Variants in TKT observed in about 807,000 individuals in gnomAD.
TKT encodes the protein epididymis luminal protein 107.
TKT carries 47 observed loss-of-function variants against 63.9 expected under a neutral mutation model. The observed-to-expected ratio is 0.74, with a 90% confidence interval of 0.58 to 0.94. The LOEUF (loss-of-function observed/expected upper bound fraction) is 0.94. TKT is among the 40% of genes least tolerant of loss of function. TKT has a pLI of 0.00. For missense variants in TKT, 721 were observed against 846.2 expected, an observed-to-expected ratio of 0.85 and a Z score of 1.84; for synonymous variants, 338 against 334.1, an observed-to-expected ratio of 1.01 and a Z score of -0.13.
chr3:53,248,270 G>A lies in TKT; in HGVS notation c.108-6028C>T, dbSNP rs60407612. 8.7e-3 allele frequency among the ~76,000 whole-genome samples: 1,331 copies of A among 152,288 alleles called. 19 individuals are homozygous for A. Among genetic ancestry groups the A allele is most frequent in the African/African-American group, 0.031 (1,269 of 41,556 alleles). ...TGCCAGCAGCAGAGCTAGGATAAGA[G>A]CAAAATGCTAAGAAAAACTGGTGAA... On this transcript the variant is annotated intron_variant, in intron 1 of 13. Transcript: ENST00000462138.
At chr3:53,251,392 G>A (rs1705740847) in intron 1 of TKT, among the ~76,000 whole-genome samples, 1 of 152,176 alleles carries the variant, frequency 6.6e-6, no homozygotes, top group African/African-American at 2.4e-5. Flanking sequence ...TTAAAGCCAG[G>A]ATGAGCTGGA....
chr3:53,255,216 G>A (rs1353204807), intron 1 of TKT, among the ~76,000 whole-genome samples: 1 of 152,220 alleles, frequency 6.6e-6, no homozygotes, highest in Admixed American at 6.5e-5. Context: ...CCAACCCAGG[G>A]GTGGCAGGAG....
At chr3:53,236,909 G>C (rs991535283) in intron 4 of TKT, among the ~76,000 whole-genome samples, 7 of 152,234 alleles carry the variant, frequency 4.6e-5, no homozygotes, top group African/African-American at 1.4e-4. Flanking sequence ...TGAGCTGTTA[G>C]AGTTAGGGGT....
Position 53,255,884 on chromosome 3 carries a change from T to G in TKT, c.59A>C (p.Asn20Thr). The G allele has an allele frequency of 6.5e-7, 1 of 1,548,898 alleles. No individual in the cohort carries two copies. Among genetic ancestry groups the G allele is most frequent in the South Asian group, 1.2e-5 (1 of 85,250 alleles). Residue 20 changes from asparagine (N) to threonine (T), a missense_variant, in exon 1 of 14, where the codon AAC (asparagine) becomes ACC (threonine). By Grantham distance (65) the Asn-to-Thr change is moderately conservative. Transcript: ENST00000462138. ...QKLQALKDTANRLRISSIQAT... is the reference protein window; with the variant it reads ...QKLQALKDTATRLRISSIQAT... The stretch of plus-strand genomic sequence containing the variant: ...CTGGATGGAGCTGATACGTAGGCGG[T>G]TGGCCGTGTCCTTCAAGGCCTGCAG...
intron 5 of TKT, 110 bp from the exon 6 acceptor site, chr3:53,233,384 C>T: frequency 2.7e-6 from 2 of 731,342 alleles, no homozygotes; most frequent in South Asian, 4.4e-5. Flanking sequence ...GGCTCCACCC[C>T]ACAACTGCGG....
intron 12 of TKT, 119 bp from the exon 13 acceptor site, chr3:53,226,997 C>G (rs997994994): frequency 5.4e-6 from 7 of 1,301,092 alleles, no homozygotes; most frequent in Non-Finnish European, 7.3e-6. Context: ...GCCTGCGGGC[C>G]TGTCCCTGTC....
chr3:53,237,517 C>T (rs1255018086), intron 4 of TKT, among the ~76,000 whole-genome samples: 1 of 144,958 alleles, frequency 6.9e-6, no homozygotes, highest in Non-Finnish European at 1.6e-5. Flanking sequence ...CACACACACA[C>T]ACACACACAC....
chr3:53,242,454 G>A (rs1553680120), intron 1 of TKT, among the ~76,000 whole-genome samples: 1 of 152,182 alleles, frequency 6.6e-6, no homozygotes, highest in African/African-American at 2.4e-5. Flanking sequence ...CAGCTAGTGG[G>A]TGCTGGGGAC....
At chr3:53,251,487 C>G (rs528489265) in intron 1 of TKT, among the ~76,000 whole-genome samples, 137 of 152,324 alleles carry the variant, frequency 9.0e-4, no homozygotes, top group Non-Finnish European at 1.8e-3. Flanking sequence ...AACAAAGAGC[C>G]TTCTGTGAGG....
chr3:53,255,569 C>A (rs1303266011), intron 1 of TKT, among the ~76,000 whole-genome samples: 1 of 152,168 alleles, frequency 6.6e-6, no homozygotes, highest in Non-Finnish European at 1.5e-5. Context: ...GGCCGGCGAT[C>A]CGCGTGGGGA....
Position 53,255,844 on chromosome 3 carries a change from C to A in TKT, c.99G>T (p.Ala33=). The change falls in exon 1 of 14, where the codon GCG becomes GCT. Residue 33 remains alanine, a synonymous_variant. Coordinates refer to ENST00000462138, the MANE Select transcript of TKT (RefSeq NM_001064.4). ...RISSIQATTA[A]GSGHPTSCCS... ...CGGCGCCGCGCACTCACCCAGAGCC[C>A]GCCGCAGTGGTGGCCTGGATGGAGC... is the stretch of plus-strand genomic sequence containing the variant. The A allele has an allele frequency of 6.5e-7, 1 of 1,531,076 alleles. No homozygotes were observed. Among genetic ancestry groups the A allele is most frequent in the African/African-American group, 1.4e-5 (1 of 69,806 alleles). The allele number at this position is 1,531,076 out of a possible 1,614,324, so 94.8% of individuals were successfully genotyped here. A position where few individuals can be genotyped will look rare whatever the true frequency, so the allele number is the denominator to read the frequency against.
At chr3:53,228,729 C>A (rs980319489) in intron 10 of TKT, 3 of 538,882 alleles carry the variant, frequency 5.6e-6, no homozygotes, top group Non-Finnish European at 9.9e-6. Flanking sequence ...GAGAACCCAA[C>A]TCAGGAGGGT....
In TKT at chr3:53,240,291, A is replaced by T. The variant is rs1559653879; in HGVS notation, c.397T>A (p.Cys133Ser). The T allele has an allele frequency of 1.2e-6, 2 of 1,613,450 alleles. No individual in the cohort carries two copies. The highest frequency in any genetic ancestry group is 8.5e-7 in the Non-Finnish European group (1 of 1,179,646). Reference sequence around the variant, plus strand: ...TATTTGCCGGTGTAGGCCATCCCACAAGCGGCCCCGAGGCCCTGGCCCAGG... The same window carrying T: ...TATTTGCCGGTGTAGGCCATCCCACTAGCGGCCCCGAGGCCCTGGCCCAGG... ...GSLGQGLGAA[C>S]GMAYTGKYFD... Residue 133 changes from cysteine to serine, a missense_variant, in exon 4 of 14, where the codon TGT becomes AGT. Physicochemically the swap from Cys to Ser is moderately radical, Grantham distance 112 (BLOSUM62 -1). Coordinates refer to ENST00000462138, the MANE Select transcript of TKT (RefSeq NM_001064.4).
intron 4 of TKT, among the ~76,000 whole-genome samples, chr3:53,239,476 GT>G (rs1705177719): frequency 6.6e-6 from 1 of 151,992 alleles, no homozygotes; most frequent in South Asian, 2.1e-4. Flanking sequence ...GCCTGGCTAA[GT>G]TTTGTATTTT....
chr3:53,229,234 CAAAAGTCAAGGGAGCTCCAGGTGT>C, intron 9 of TKT, 22 bp downstream of exon 9: 1 of 1,612,964 alleles, frequency 6.2e-7, no homozygotes, highest in Non-Finnish European at 8.5e-7. Flanking sequence ...CCTCCTGGTG[CAAAAGTCAAGGGAGCTCCAGGTGT>C]AAACACCCTG....
At chr3:53,228,828 G>T in intron 10 of TKT, 179 bp downstream of exon 10, 1 of 838,536 alleles carries the variant, frequency 1.2e-6, no homozygotes, top group Non-Finnish European at 1.9e-6. Flanking sequence ...CTGCCACGTG[G>T]CAGTAAGTGG....
intron 1 of TKT, among the ~76,000 whole-genome samples, chr3:53,248,989 C>A (rs1034649881): frequency 1.3e-5 from 2 of 152,028 alleles, no homozygotes; most frequent in African/African-American, 4.8e-5. Context: ...TTATTTGAGA[C>A]AAGTTCTCAC....
intron 4 of TKT, among the ~76,000 whole-genome samples, chr3:53,239,974 A>T (rs1453761881): frequency 2.0e-5 from 3 of 152,182 alleles, no homozygotes; most frequent in Non-Finnish European, 4.4e-5. Flanking sequence ...AGAGCACATG[A>T]TTGAGAGCAC....
chr3:53,242,327 G>A (rs1559655407), intron 1 of TKT, 85 bp from the exon 2 acceptor site: 4 of 1,343,642 alleles, frequency 3.0e-6, no homozygotes, highest in South Asian at 1.2e-5. Flanking sequence ...GGACCTGGGG[G>A]TGCATGTCCT....
Sources: gnomAD v4.1 joint callset for allele counts (sites outside exome capture counted in the v4.1 genomes callset) on GRCh38, gnomAD v4.1.1 for gene constraint, MANE v1.5 for transcripts, NCBI Gene and HGNC (gene_info 2026-07-23, HGNC 2026-07-21) for gene names.